Variants in SIGLEC11 observed in about 807,000 individuals in gnomAD.
SIGLEC11 encodes sialic acid binding Ig like lectin 11.
SIGLEC11 carries 47 observed loss-of-function variants against 61.2 expected under a neutral mutation model. The observed-to-expected ratio is 0.77, with a 90% CI of 0.61 to 0.98. The LOEUF is 0.98. Ranked by LOEUF, SIGLEC11 falls within the 50% of genes least tolerant of loss-of-function variation. SIGLEC11 has a pLI of 0.00. For synonymous variants in SIGLEC11, 278 were observed against 373.1 expected (o/e 0.75, Z 2.94); for missense variants, 610 against 870.3 (o/e 0.70, Z 3.76).
intron 8 of SIGLEC11, among the ~76,000 whole-genome samples, chr19:49,957,945 C>G (rs867575977): frequency 6.6e-6 from 1 of 151,880 alleles, no homozygotes; most frequent in African/African-American, 2.4e-5. Flanking sequence ...GAGCCGAGAT[C>G]GAGCCACTGC....
intron 8 of SIGLEC11, among the ~76,000 whole-genome samples, chr19:49,953,018 G>A (rs75370117): frequency 6.6e-6 from 1 of 152,060 alleles, no homozygotes; most frequent in Non-Finnish European, 1.5e-5. Context: ...TCTCCGTATC[G>A]GTCTCACCAG....
chr19:49,959,036 T>G lies in SIGLEC11; in HGVS notation c.1099A>C (p.Arg367=). Residue 367 remains arginine, a synonymous_variant, in exon 6 of 11, where the codon AGG becomes CGG. Transcript: ENST00000447370. Reference sequence around the variant, plus strand: ...CCTCTGTCTCCTTTCCTACCTGTCCTGTTTGCTTGGGAAACCATCACTCTC... The same window carrying G: ...CCTCTGTCTCCTTTCCTACCTGTCCGGTTTGCTTGGGAAACCATCACTCTC... ...NLRVMVSQAN[R]TVLENLGNGT... is the part of the protein sequence containing the mutation. 2 of 1,613,902 alleles carry G rather than the reference T, an allele frequency of 1.2e-6. No individual in the cohort carries two copies. Among genetic ancestry groups the G allele is most frequent in the South Asian group, 2.2e-5 (2 of 91,078 alleles).
At chr19:49,958,040 T>C (rs1356088349) in intron 8 of SIGLEC11, among the ~76,000 whole-genome samples, 1 of 152,136 alleles carries the variant, frequency 6.6e-6, no homozygotes, top group African/African-American at 2.4e-5. Flanking sequence ...CTTTATTTAA[T>C]GCTCAGCTTT....
At position 49,958,667 on chromosome 19, in the gene SIGLEC11, C is replaced by A. The variant is rs749024800; in HGVS notation, c.1339G>T (p.Val447Phe). The A allele has an allele frequency of 1.2e-5, 20 of 1,603,622 alleles. No individual in the cohort carries two copies. The East Asian group carries it at 4.0e-4, about 32-fold the overall frequency. Residue 447 changes from valine (V) to phenylalanine (F), a missense_variant, in exon 7 of 11, where the codon GTC becomes TTC. Val to Phe is a conservative substitution (Grantham distance 50, BLOSUM62 -1). Coordinates refer to ENST00000447370, the MANE Select transcript of SIGLEC11 (RefSeq NM_052884.3). ...HAQHPLGSQH[V>F]SLSLSVHYPP... is the part of the protein sequence containing the mutation. Reference sequence around the variant, plus strand: ...CAGTGCACGGAGAGGCTGAGAGAGACGTGCTGGGAGCCCAGAGGGTGCTGA... The same window carrying A: ...CAGTGCACGGAGAGGCTGAGAGAGAAGTGCTGGGAGCCCAGAGGGTGCTGA...
Position 49,961,070 on chromosome 19 carries a change from T to A in SIGLEC11, c.12A>T (p.Gly4=), listed in dbSNP as rs1568753437. The change falls in exon 1 of 11, where the codon GGA becomes GGT. Residue 4 remains glycine, a synonymous_variant. Coordinates refer to ENST00000447370, the MANE Select transcript of SIGLEC11 (RefSeq NM_052884.3). ...TCTCTGGGCTCTGGGGCTGGGCCTG[T>A]CCCGGGACCATCTGGCTTCTGGGCC... is the stretch of plus-strand genomic sequence containing the variant. MVP[G]QAQPQSPEML... is the part of the protein sequence containing the mutation. The A allele has an allele frequency of 4.5e-6, 6 of 1,329,906 alleles. No individual in the cohort carries two copies. Among genetic ancestry groups the A allele is most frequent in the Non-Finnish European group, 5.1e-6 (5 of 976,282 alleles). 82.4% of individuals were successfully genotyped at this position (1,329,906 alleles called of 1,614,324 possible).
At chr19:49,952,789 CT>C (rs926350568) in intron 8 of SIGLEC11, among the ~76,000 whole-genome samples, 5 of 151,664 alleles carry the variant, frequency 3.3e-5, no homozygotes, top group East Asian at 1.9e-4. Context: ...TTAGCCAGTT[CT>C]TTTTTTTTCC....
chr19:49,957,797 C>T (rs1021887300), intron 8 of SIGLEC11, among the ~76,000 whole-genome samples: 2 of 152,166 alleles, frequency 1.3e-5, no homozygotes, highest in African/African-American at 2.4e-5. Context: ...GTCAGGAGTT[C>T]GAGACCAGCC....
Position 49,958,473 on chromosome 19 carries a change from C to T in SIGLEC11, c.1461G>A (p.Trp487Ter), listed in dbSNP as rs751230929. 18 of 1,612,698 alleles carry T rather than the reference C, an allele frequency of 1.1e-5. No individual in the cohort carries two copies. Among genetic ancestry groups the T allele is most frequent in the Non-Finnish European group, 1.4e-5 (17 of 1,179,696 alleles). ...SQASPAPSLR[W>*]WLGEELLEGN... ...CCTCCAGCAGCTCCTCCCCAAGCCA[C>T]CAGCGCAGAGAGGGGGCCGGGCTGG... The change falls in exon 8 of 11, where the codon TGG (tryptophan) becomes TGA (stop). Residue 487 changes from tryptophan (W) to a stop codon, truncating the protein, a stop_gained. Transcript: ENST00000447370. LOFTEE classifies it high-confidence loss of function.
At position 49,951,807 on chromosome 19, in the gene SIGLEC11, C is replaced by A; in HGVS notation, c.1830+84G>T. Reference sequence around the variant, plus strand: ...AAACCCTATTTGGGGCACAATGATTCTGCAAGTCACCAAGAGGACTACCCA... The same window carrying A: ...AAACCCTATTTGGGGCACAATGATTATGCAAGTCACCAAGAGGACTACCCA... On this transcript the variant is annotated intron_variant, in intron 10 of 10. Transcript: ENST00000447370. This position sits in a 1 kb window ranked among gnomAD's most constrained non-coding sequence, Gnocchi z 4.6. 8.3e-7 allele frequency: 1 copy of A among 1,205,808 alleles called. No individual in the cohort carries two copies. Among genetic ancestry groups the A allele is most frequent in the African/African-American group, 1.5e-5 (1 of 65,316 alleles). 74.7% of individuals were successfully genotyped at this position (1,205,808 alleles called of 1,614,324 possible).
Position 49,950,134 on chromosome 19 carries a change from C to T in SIGLEC11, c.1933G>A (p.Ala645Thr). 6.2e-7 allele frequency: 1 copy of T among 1,613,032 alleles called. No homozygotes were observed. The highest frequency in any genetic ancestry group is 8.5e-7 in the Non-Finnish European group (1 of 1,179,622). ...GKGEEQELHY[A>T]SLSFQGLRLW... Reference sequence around the variant, plus strand: ...CTCAGGCCCTGGAAGCTGAGGGAGGCATAGTGGAGCTCCTGCTCTTCCCCC... The same window carrying T: ...CTCAGGCCCTGGAAGCTGAGGGAGGTATAGTGGAGCTCCTGCTCTTCCCCC... The change falls in exon 11 of 11, where the codon GCC (alanine) becomes ACC (threonine). Residue 645 changes from alanine to threonine, a missense_variant. Transcript: ENST00000447370.
rs1600605863 is a variant in SIGLEC11 at position 49,951,638 on chromosome 19, T to A, written c.1830+253A>T. The stretch of plus-strand genomic sequence containing the variant: ...GCAGGAGGAAATGAGGAGTGGGAGG[T>A]GGAGGGTCCACTGGATCTGAGCACA... On this transcript the variant is annotated intron_variant, in intron 10 of 10. Coordinates refer to ENST00000447370, the MANE Select transcript of SIGLEC11 (RefSeq NM_052884.3). The surrounding 1 kb of genome is among the most constrained non-coding windows in gnomAD (Gnocchi z 4.6). Among the ~76,000 whole-genome samples, 1 of 150,730 alleles carries A rather than the reference T, an allele frequency of 6.6e-6. No homozygotes were observed. Among genetic ancestry groups the A allele is most frequent in the Non-Finnish European group, 1.5e-5 (1 of 67,678 alleles).
At chr19:49,952,622 T>C (rs922477939) in intron 8 of SIGLEC11, among the ~76,000 whole-genome samples, 1 of 152,174 alleles carries the variant, frequency 6.6e-6, no homozygotes, top group African/African-American at 2.4e-5. Flanking sequence ...AGTTATAAGA[T>C]AATACTGTTT....
chr19:49,952,637 A>C (rs538999968), intron 8 of SIGLEC11, among the ~76,000 whole-genome samples: 30 of 152,340 alleles, frequency 2.0e-4, no homozygotes, highest in South Asian at 1.2e-3. Flanking sequence ...CTGTTTAAAA[A>C]GCCAAGGCCA....
At chr19:49,953,728 G>A (rs1408152745) in intron 8 of SIGLEC11, among the ~76,000 whole-genome samples, 3 of 152,116 alleles carry the variant, frequency 2.0e-5, no homozygotes, top group Non-Finnish European at 2.9e-5. Flanking sequence ...ACTCTCCAAA[G>A]CCAAGTAGCT....
In SIGLEC11 at chr19:49,958,748, C is replaced by A. The variant is rs757457875; in HGVS notation, c.1258G>T (p.Val420Phe). 6.2e-7 allele frequency: 1 copy of A among 1,613,862 alleles called. No individual in the cohort carries two copies. The highest frequency in any genetic ancestry group is 8.5e-7 in the Non-Finnish European group (1 of 1,179,886). The change falls in exon 7 of 11, where the codon GTC (valine) becomes TTC (phenylalanine). Residue 420 changes from valine (V) to phenylalanine (F), a missense_variant. Physicochemically the swap from Val to Phe is conservative, Grantham distance 50. Coordinates refer to ENST00000447370, the MANE Select transcript of SIGLEC11 (RefSeq NM_052884.3). ...ATTTGAATGGGTGGCAGCTCCAGGA[C>A]CCCGGGGTCTGAGGGCTGGGAGGGG... ...VGPSQPSDPG[V>F]LELPPIQMEH...
intron 8 of SIGLEC11, among the ~76,000 whole-genome samples, chr19:49,952,998 A>G (rs375639954): frequency 1.3e-5 from 2 of 152,280 alleles, no homozygotes; most frequent in African/African-American, 2.4e-5. Context: ...AAAATAAACA[A>G]TCCTCCTGTT....
At position 49,950,189 on chromosome 19, in the gene SIGLEC11, G is replaced by A; in HGVS notation, c.1878C>T (p.Pro626=). ...CCGGGGTGTAGGTGGCTGCACCTGG[G>A]GGCGGGTGGTCTTGGGAGCTGCCTG... ...CSAGSSQDHP[P]PGAATYTPGK... is the part of the protein sequence containing the mutation. Residue 626 remains proline, a synonymous_variant, in exon 11 of 11, where the codon CCC becomes CCT. Transcript: ENST00000447370. 1 of 1,605,508 alleles carries A rather than the reference G, an allele frequency of 6.2e-7. No individual in the cohort carries two copies. The highest frequency in any genetic ancestry group is 8.5e-7 in the Non-Finnish European group (1 of 1,177,396).
intron 9 of SIGLEC11, 96 bp from the exon 10 acceptor site, chr19:49,952,068 A>G (rs2076161859): frequency 1.0e-5 from 13 of 1,292,168 alleles, no homozygotes; most frequent in Non-Finnish European, 1.4e-5. Context: ...AAGGCTGCAG[A>G]GCCCAGTGGG....
chr19:49,955,934 C>CA lies in SIGLEC11; in HGVS notation c.1651+2348dup, dbSNP rs55957420. On this transcript the variant is annotated intron_variant, in intron 8 of 10. Coordinates refer to ENST00000447370, the MANE Select transcript of SIGLEC11 (RefSeq NM_052884.3). The surrounding 1 kb of genome is among the most constrained non-coding windows in gnomAD (Gnocchi z 4.5). ...AGGGCAACAGAGCGAGACTCCGTCT[C>CA]AAAAAAAAAAAAAAAAAGAACTTGT... Among the ~76,000 whole-genome samples the CA allele has an allele frequency of 0.18, 16,235 of 91,318 alleles. 1,389 individuals carry two copies. The highest frequency in any genetic ancestry group is 0.29 in the African/African-American group (8,460 of 28,878). The allele number at this position is 91,318 out of a possible 152,430, so 59.9% of individuals were successfully genotyped here.
Sources: allele counts gnomAD v4.1 joint callset (sites outside exome capture counted in the v4.1 genomes callset), GRCh38; gene constraint gnomAD v4.1.1; non-coding constraint Gnocchi (gnomAD v3.1); transcripts MANE v1.5; gene names NCBI Gene and HGNC (gene_info 2026-07-23, HGNC 2026-07-21).